Variants in RANBP2 observed in about 807,000 individuals in gnomAD.
The protein encoded by RANBP2 is E3 SUMO-protein ligase RanBP2.
A neutral mutation model predicts 303.6 loss-of-function variants in RANBP2; 57 were observed. The ratio of observed to expected loss-of-function variants is 0.19; its 90% CI spans 0.15 to 0.23. The LOEUF is 0.23. Ranked by LOEUF, RANBP2 falls within the 10% of genes least tolerant of loss-of-function variation. The pLI is 1.00. For missense variants in RANBP2, 3,138 were observed against 3,780.8 expected, an observed-to-expected ratio of 0.83 and a Z score of 4.46; for synonymous variants, 1,167 against 1,301.5, an observed-to-expected ratio of 0.90 and a Z score of 2.23.
the RANBP2 span, among the ~76,000 whole-genome samples, chr2:109,681,855 G>A: frequency 8.5e-5 from 13 of 152,262 alleles, no homozygotes; most frequent in South Asian, 2.1e-4. Flanking sequence ...CCGCTCAGCG[G>A]AGACCAAACT....
chr2:109,628,366 C>T, the RANBP2 span, among the ~76,000 whole-genome samples: 1 of 152,032 alleles, frequency 6.6e-6, no homozygotes, highest in East Asian at 1.9e-4. Flanking sequence ...TGGTGGCTTG[C>T]GCCTGTAATC....
chr2:109,481,017 T>G, the RANBP2 span, among the ~76,000 whole-genome samples: 1 of 152,178 alleles, frequency 6.6e-6, no homozygotes, highest in South Asian at 2.1e-4. Flanking sequence ...GTGTCATTGC[T>G]TCAGGCAAGA....
chr2:109,070,589 G>A, the RANBP2 span, among the ~76,000 whole-genome samples: 2 of 152,172 alleles, frequency 1.3e-5, no homozygotes, highest in Admixed American at 6.5e-5. Context: ...GCCAAGTGCC[G>A]TGGCTCACGC....
the RANBP2 span, among the ~76,000 whole-genome samples, chr2:109,273,763 T>A: frequency 6.6e-6 from 1 of 152,160 alleles, no homozygotes; most frequent in Non-Finnish European, 1.5e-5. Context: ...CCCTTTCATA[T>A]GGTGACAGGG....
chr2:108,791,540 G>C, the RANBP2 span: 3 of 1,028,030 alleles, frequency 2.9e-6, no homozygotes, highest in Non-Finnish European at 4.5e-6. Flanking sequence ...CTTTTTACAT[G>C]TTTACATTTT....
At chr2:108,898,780 C>T in the RANBP2 span, among the ~76,000 whole-genome samples, 1 of 152,020 alleles carries the variant, frequency 6.6e-6, no homozygotes, top group Non-Finnish European at 1.5e-5. Context: ...TACAAAAGTA[C>T]AATAACCACA....
chr2:108,878,779 GA>G, the RANBP2 span, among the ~76,000 whole-genome samples: 1 of 152,036 alleles, frequency 6.6e-6, no homozygotes, highest in African/African-American at 2.4e-5. Context: ...AGGTAGAGAT[GA>G]AAGAGGAGCT....
the RANBP2 span, among the ~76,000 whole-genome samples, chr2:109,403,036 T>C: frequency 6.6e-6 from 1 of 152,186 alleles, no homozygotes; most frequent in African/African-American, 2.4e-5. Context: ...GCCCCTTAGC[T>C]GGCCGAATTA....
chr2:109,481,112 G>A, the RANBP2 span, among the ~76,000 whole-genome samples: 3 of 152,216 alleles, frequency 2.0e-5, no homozygotes, highest in African/African-American at 7.2e-5. Context: ...CAGCTGTTCA[G>A]AAAGGCAGGA....
At chr2:109,316,221 T>A in the RANBP2 span, among the ~76,000 whole-genome samples, 5 of 152,200 alleles carry the variant, frequency 3.3e-5, no homozygotes, top group Non-Finnish European at 7.3e-5. Context: ...GCTCTTGGGC[T>A]TCATCTCTCG....
chr2:109,585,822 C>T, the RANBP2 span: 256 of 1,613,372 alleles, frequency 1.6e-4, no homozygotes, highest in East Asian at 2.0e-4. Context: ...AGTCAACGAA[C>T]GAATGTTTTC....
chr2:108,954,816 C>A, the RANBP2 span, among the ~76,000 whole-genome samples: 1 of 152,028 alleles, frequency 6.6e-6, no homozygotes, highest in African/African-American at 2.4e-5. Flanking sequence ...GCTAGTATTA[C>A]AGGCGCCCGC....
the RANBP2 span, among the ~76,000 whole-genome samples, chr2:109,002,726 TTTTG>T: frequency 6.6e-6 from 1 of 152,120 alleles, no homozygotes; most frequent in Non-Finnish European, 1.5e-5. Context: ...TTTTGGGTGT[TTTTG>T]TTTGTTTGTT....
At chr2:108,984,656 G>A in the RANBP2 span, among the ~76,000 whole-genome samples, 253 of 151,938 alleles carry the variant, frequency 1.7e-3, 1 homozygote, top group African/African-American at 5.9e-3. Context: ...ACTACCCTGG[G>A]CACCTTCTTT....
the RANBP2 span, among the ~76,000 whole-genome samples, chr2:109,548,773 C>A: frequency 3.1e-5 from 1 of 31,868 alleles, no homozygotes; most frequent in Admixed American, 3.5e-4. Flanking sequence ...TAGGCTCCAT[C>A]TCAAAAAAAA....
chr2:109,454,170 T>C, the RANBP2 span, among the ~76,000 whole-genome samples: 1 of 152,200 alleles, frequency 6.6e-6, no homozygotes, highest in African/African-American at 2.4e-5. Flanking sequence ...CACAGACATA[T>C]TCATAATAAA....
the RANBP2 span, among the ~76,000 whole-genome samples, chr2:109,171,725 C>T: frequency 5.2e-5 from 8 of 152,382 alleles, no homozygotes; most frequent in South Asian, 2.1e-4. Context: ...CCAGCCCCTG[C>T]GCCTGGCGCT....
At chr2:109,369,622 G>GC in the RANBP2 span, among the ~76,000 whole-genome samples, 1 of 152,174 alleles carries the variant, frequency 6.6e-6, no homozygotes, top group South Asian at 2.1e-4. Flanking sequence ...GCCTCTGGTG[G>GC]CCCCCACGCT....
chr2:108,832,822 G>A, the RANBP2 span, among the ~76,000 whole-genome samples: 1 of 152,202 alleles, frequency 6.6e-6, no homozygotes, highest in African/African-American at 2.4e-5. Context: ...CTATTACAGG[G>A]TATGGGTGAG....
Sources: allele counts gnomAD v4.1 joint callset (sites outside exome capture counted in the v4.1 genomes callset), GRCh38; gene constraint gnomAD v4.1.1; transcripts MANE v1.5; gene names NCBI Gene and HGNC (gene_info 2026-07-23, HGNC 2026-07-21).